Variants in NEB observed in about 807,000 individuals in gnomAD.
NEB encodes the protein nemaline myopathy type 2.
A neutral mutation model predicts 952.2 loss-of-function variants in NEB; 512 were observed. The observed-to-expected ratio is 0.54, with a 90% CI of 0.50 to 0.58. The LOEUF is 0.58. Ranked by LOEUF, NEB falls within the 20% of genes least tolerant of loss-of-function variation. The pLI is 0.00. For synonymous variants in NEB, 2,900 were observed against 3,149.8 expected, an observed-to-expected ratio of 0.92 and a Z score of 2.66; for missense variants, 8,428 against 9,231.1, an observed-to-expected ratio of 0.91 and a Z score of 3.56.
chr2:151,637,174 C>G (rs1313935996), intron 63 of NEB, among the ~76,000 whole-genome samples: 2 of 152,122 alleles, frequency 1.3e-5, no homozygotes, highest in African/African-American at 4.8e-5. Flanking sequence ...GCTGAAAAGT[C>G]AAACCACACT....
At position 151,527,011 on chromosome 2, in the gene NEB, CT is replaced by C; in HGVS notation, c.21851del (p.Lys7284SerfsTer28). 6.3e-7 allele frequency: 1 copy of C among 1,593,426 alleles called. No individual in the cohort carries two copies. The highest frequency in any genetic ancestry group is 1.1e-5 in the South Asian group (1 of 87,910). On this transcript the variant is annotated frameshift_variant, in exon 148 of 182. Coordinates refer to ENST00000397345, the MANE Select transcript of NEB (RefSeq NM_001164508.2). LOFTEE classifies it high-confidence loss of function. ...AACCCTTGAGGAACTCCCGGTCCAG[CT>C]TATATTCAAACTGTGATAGAAGAAA... Reference protein sequence around the residue: ...SSLQQSDFEYKLDREFLKGCK... With the variant: ...SSLQQSDFEYXLDREFLKGCK...
Position 151,540,768 on chromosome 2 carries a change from G to A in NEB, c.20716C>T (p.Pro6906Ser), listed in dbSNP as rs752102535. Residue 6906 changes from proline (P) to serine (S), a missense_variant, in exon 137 of 182, where the codon CCC (proline) becomes TCC (serine). By Grantham distance (74) the Pro-to-Ser change is moderately conservative. Transcript: ENST00000397345. ...LYVELATKERPHHHAGNQTTA... is the reference protein window; with the variant it reads ...LYVELATKERSHHHAGNQTTA... Reference sequence around the variant, plus strand: ...GTCTGGTTTCCAGCGTGATGATGGGGTCTCTCTTTGGTGGCAAGTTCAACA... The same window carrying A: ...GTCTGGTTTCCAGCGTGATGATGGGATCTCTCTTTGGTGGCAAGTTCAACA... 2 of 1,613,548 alleles carry A rather than the reference G, an allele frequency of 1.2e-6. No homozygotes were observed. Among genetic ancestry groups the A allele is most frequent in the Non-Finnish European group, 1.7e-6 (2 of 1,179,592 alleles).
chr2:151,546,100 G>T, intron 134 of NEB, 102 bp from the exon 135 acceptor site: 3 of 834,078 alleles, frequency 3.6e-6, no homozygotes, highest in Non-Finnish European at 5.7e-6. Context: ...GCTGAGCAGG[G>T]CTTTCATGTG....
rs772612030 is a variant in NEB at position 151,553,934 on chromosome 2, TTCTGGGAATCCTTGGCAGTAACCA to T, written c.19496_19519del (p.Met6499_Gln6506del). On this transcript the variant is annotated inframe_deletion, in exon 126 of 182. Transcript: ENST00000397345. ...GCGGTAATCAATCTCACTGACTTTC[TTCTGGGAATCCTTGGCAGTAACCA>T]TCTCTACCATGTCGGGCACGATGTG... 6.2e-7 allele frequency: 1 copy of T among 1,613,932 alleles called. No individual in the cohort carries two copies.
intron 105 of NEB, among the ~76,000 whole-genome samples, chr2:151,576,762 T>C (rs1199406514): frequency 2.0e-5 from 3 of 151,818 alleles, no homozygotes; most frequent in Non-Finnish European, 4.4e-5. Flanking sequence ...CTCAAACCCC[T>C]GACCTCAGGT....
At chr2:151,486,982 G>A (rs1559075977) in intron 181 of NEB, among the ~76,000 whole-genome samples, 1 of 151,980 alleles carries the variant, frequency 6.6e-6, no homozygotes, top group Admixed American at 6.6e-5. Context: ...GAGATGGTTG[G>A]AAAAAAAGCT....
Position 151,666,244 on chromosome 2 carries a change from T to C in NEB, c.4877A>G (p.His1626Arg), listed in dbSNP as rs1374856817. 5 of 1,613,886 alleles carry C rather than the reference T, an allele frequency of 3.1e-6. No individual in the cohort carries two copies. In the Admixed American group the frequency reaches 5.0e-5, roughly 16 times the overall value. ...KGYEASKTKY[H>R]TPLDMVSVTA... is the part of the protein sequence containing the mutation. ...CACACTGACCATATCCAGAGGTGTG[T>C]GGTACTTGGTCTTGCTGGCTTCATA... The change falls in exon 41 of 182, where the codon CAC (histidine) becomes CGC (arginine). Residue 1626 changes from histidine to arginine, a missense_variant. Physicochemically the swap from His to Arg is conservative, Grantham distance 29. Coordinates refer to ENST00000397345, the MANE Select transcript of NEB (RefSeq NM_001164508.2).
chr2:151,535,673 C>T lies in NEB; in HGVS notation c.21312+18G>A. ...GGGAATTGAATAGGCTTAATTGGAGCAGTTTATTCATACATACCTCATTCA... is the reference window on the plus strand; with the variant it reads ...GGGAATTGAATAGGCTTAATTGGAGTAGTTTATTCATACATACCTCATTCA... On this transcript the variant is annotated intron_variant, in intron 142 of 181. Coordinates refer to ENST00000397345, the MANE Select transcript of NEB (RefSeq NM_001164508.2). 6 of 1,491,092 alleles carry T rather than the reference C, an allele frequency of 4.0e-6. No individual in the cohort carries two copies. Among genetic ancestry groups the T allele is most frequent in the Non-Finnish European group, 4.6e-6 (5 of 1,078,164 alleles). 92.4% of individuals were successfully genotyped at this position (1,491,092 alleles called of 1,614,324 possible).
chr2:151,515,001 A>G (rs928075944), intron 157 of NEB, 73 bp from the exon 158 acceptor site: 18 of 890,346 alleles, frequency 2.0e-5, no homozygotes, highest in Non-Finnish European at 3.1e-5. Flanking sequence ...TCTCAGGAAG[A>G]AAAAAAAAAC....
At chr2:151,659,041 G>A (rs1330153160) in intron 47 of NEB, 24 bp downstream of exon 47, 1 of 1,457,894 alleles carries the variant, frequency 6.9e-7, no homozygotes, top group African/African-American at 1.4e-5. Context: ...AGAGAAAGAT[G>A]ACAACAGGGG....
intron 37 of NEB, 33 bp downstream of exon 37, chr2:151,672,336 A>T (rs750264857): frequency 3.3e-6 from 5 of 1,529,788 alleles, no homozygotes; most frequent in Admixed American, 1.9e-5. Context: ...TTTAAGTGCA[A>T]ACATCTCTGG....
At chr2:151,507,962 C>A in intron 162 of NEB, 43 bp downstream of exon 162, 1 of 1,425,650 alleles carries the variant, frequency 7.0e-7, no homozygotes, top group East Asian at 2.4e-5. Flanking sequence ...CTCAGCACCC[C>A]TAGGTGCCTG....
At position 151,639,383 on chromosome 2, in the gene NEB, C is replaced by T. The variant is rs772143732; in HGVS notation, c.8891G>A (p.Arg2964His). Residue 2964 changes from arginine to histidine, a missense_variant and splice_region_variant, in exon 63 of 182, where the codon CGT becomes CAT. Transcript: ENST00000397345. The part of the protein sequence containing the change: ...AKNNAITMNK[R>H]LYTEAWDKDK... ...TTTGTCCCAGGCTTCTGTGTATAAACGCTATCAAAAAAAATACACAAATTC... is the reference window on the plus strand; with the variant it reads ...TTTGTCCCAGGCTTCTGTGTATAAATGCTATCAAAAAAAATACACAAATTC... 1.7e-5 allele frequency: 26 copies of T among 1,522,930 alleles called. No homozygotes were observed. The highest frequency in any genetic ancestry group is 2.0e-5 in the Admixed American group (1 of 49,058). 94.3% of individuals were successfully genotyped at this position (1,522,930 alleles called of 1,614,324 possible).
chr2:151,633,765 G>A lies in NEB; in HGVS notation c.9303C>T (p.Cys3101=). 2 of 1,613,924 alleles carry A rather than the reference G, an allele frequency of 1.2e-6. No homozygotes were observed. The highest frequency in any genetic ancestry group is 1.7e-6 in the Non-Finnish European group (2 of 1,179,870). The change falls in exon 65 of 182, where the codon TGC becomes TGT. Residue 3101 remains cysteine (C), a synonymous_variant. Coordinates refer to ENST00000397345, the MANE Select transcript of NEB (RefSeq NM_001164508.2). The part of the protein sequence containing the change: ...DMLGVVLAKK[C]QTLVSDVDYK... ...AGTCCACGTCACTGACTAAGGTCTG[G>A]CACTTCTTGGCCAGCACCACCCCCA... is the stretch of plus-strand genomic sequence containing the variant.
At chr2:151,613,806 C>T (rs1173976928) in intron 77 of NEB, among the ~76,000 whole-genome samples, 2 of 152,166 alleles carry the variant, frequency 1.3e-5, no homozygotes, top group Admixed American at 1.3e-4. Context: ...GATGTGCCTG[C>T]TTCCCCTTCA....
At chr2:151,694,184 G>GCAC in intron 20 of NEB, 139 bp downstream of exon 20, 1 of 758,182 alleles carries the variant, frequency 1.3e-6, no homozygotes, top group Non-Finnish European at 2.2e-6. Flanking sequence ...TCTTCCTTTA[G>GCAC]CACCTGGGTG....
intron 168 of NEB, 60 bp from the exon 169 acceptor site, chr2:151,499,450 T>C: frequency 2.3e-6 from 2 of 886,112 alleles, no homozygotes; most frequent in Non-Finnish European, 3.6e-6. Context: ...CCCTTTCATC[T>C]ACCTTGTGGG....
intron 48 of NEB, among the ~76,000 whole-genome samples, chr2:151,657,434 T>A (rs1044450204): frequency 8.5e-5 from 13 of 152,344 alleles, no homozygotes; most frequent in African/African-American, 3.1e-4. Context: ...TTGGTACACC[T>A]GCTTTTTTGC....
chr2:151,549,667 T>G lies in NEB; in HGVS notation c.20018A>C (p.His6673Pro), dbSNP rs763237724. 47 of 1,601,068 alleles carry G rather than the reference T, an allele frequency of 2.9e-5. No individual in the cohort carries two copies. The highest frequency in any genetic ancestry group is 3.6e-5 in the Non-Finnish European group (42 of 1,173,308). Residue 6673 changes from histidine (H) to proline (P), a missense_variant, in exon 130 of 182, where the codon CAC (histidine) becomes CCC (proline). Physicochemically the swap from His to Pro is moderately conservative, Grantham distance 77. Coordinates refer to ENST00000397345, the MANE Select transcript of NEB (RefSeq NM_001164508.2). ...GCTCATGTAACGGGTGTCCTTGATGTGTTTGAAGTGAGGAGTGTCACCTGG... is the reference window on the plus strand; with the variant it reads ...GCTCATGTAACGGGTGTCCTTGATGGGTTTGAAGTGAGGAGTGTCACCTGG... ...RLPGDTPHFK[H>P]IKDTRYMSSY...
Sources: allele counts gnomAD v4.1 joint callset (sites outside exome capture counted in the v4.1 genomes callset), GRCh38; gene constraint gnomAD v4.1.1; transcripts MANE v1.5; gene names NCBI Gene and HGNC (gene_info 2026-07-23, HGNC 2026-07-21).